LACC1: variants seen among roughly 807,000 people sequenced by gnomAD.
The protein encoded by LACC1 is laccase domain multifunctional purine nucleosidase 1.
Under a neutral mutation model 34.8 loss-of-function variants are expected in LACC1, and 25 were observed. That is an observed-to-expected ratio of 0.72 (90% CI 0.52 to 1.00). The LOEUF (loss-of-function observed/expected upper bound fraction) is 1.00, where lower values mean the gene tolerates loss of function less well. LACC1 is among the 50% of genes least tolerant of loss of function. The pLI is 0.00. For synonymous variants in LACC1, 162 were observed against 168.0 expected, an observed-to-expected ratio of 0.96 and a Z score of 0.28; for missense variants, 426 against 511.2, an observed-to-expected ratio of 0.83 and a Z score of 1.61.
intron 3 of LACC1, 104 bp downstream of exon 3, chr13:43,882,467 C>G: frequency 1.3e-6 from 1 of 791,924 alleles, no homozygotes; most frequent in South Asian, 1.9e-5. Context: ...GCTTTTTTAT[C>G]TAAAGTTTTA....
chr13:43,885,797 A>C (rs1415786892), intron 4 of LACC1, among the ~76,000 whole-genome samples: 2 of 152,234 alleles, frequency 1.3e-5, no homozygotes, highest in Admixed American at 1.3e-4. Flanking sequence ...ACAGCAAAAG[A>C]AACTATCAAC....
At chr13:43,890,020 A>G (rs1955501178) in intron 5 of LACC1, 94 bp from the exon 6 acceptor site, 2 of 1,081,898 alleles carry the variant, frequency 1.8e-6, no homozygotes, top group South Asian at 3.1e-5. Context: ...CTTTCCTGGA[A>G]CTTTTTCATG....
intron 4 of LACC1, 34 bp downstream of exon 4, chr13:43,883,970 C>G (rs200877112): frequency 6.4e-7 from 1 of 1,572,100 alleles, no homozygotes; most frequent in East Asian, 2.2e-5. Flanking sequence ...TAGAATTTTA[C>G]TCATTTTGTT....
At chr13:43,889,123 C>A (rs1413956705) in intron 5 of LACC1, 141 bp downstream of exon 5, 3 of 627,114 alleles carry the variant, frequency 4.8e-6, no homozygotes, top group African/African-American at 1.8e-5. Flanking sequence ...TGTACACAAA[C>A]ACTCATTTTA....
At position 43,883,860 on chromosome 13, in the gene LACC1, A is replaced by G; in HGVS notation, c.831A>G (p.Ile277Met). Residue 277 changes from isoleucine (I) to methionine (M), a missense_variant, in exon 4 of 7, where the codon ATA becomes ATG. Ile to Met is a conservative substitution (Grantham distance 10). This residue lies in a region of LACC1 where 209 missense variants were observed against 300.3 expected (regional missense o/e 0.70). Coordinates refer to ENST00000325686, the MANE Select transcript of LACC1 (RefSeq NM_153218.4). ...CCACAAATCAGAGAGGAGTCACAAT[A>G]GCAGCTCTTGGTGCAGACTGTATAC... ...GITTNQRGVT[I>M]AALGADCIPI... The G allele has an allele frequency of 1.2e-6, 2 of 1,613,896 alleles. No homozygotes were observed. Among genetic ancestry groups the G allele is most frequent in the East Asian group, 2.2e-5 (1 of 44,874 alleles).
rs1050288358 is a variant in LACC1 at position 43,893,845 on chromosome 13, T to C, written c.*2398T>C. 4.6e-5 allele frequency: 7 copies of C among 152,126 alleles called. No individual in the cohort carries two copies. The highest frequency in any genetic ancestry group is 1.7e-4 in the African/African-American group (7 of 41,440). 9.4% of individuals were successfully genotyped at this position (152,126 alleles called of 1,614,324 possible). On this transcript the variant is annotated 3_prime_UTR_variant, in exon 7 of 7. Coordinates refer to ENST00000325686, the MANE Select transcript of LACC1 (RefSeq NM_153218.4). ...TCACTGTGCATTATTTTGTTTGAAG[T>C]TGGTAAATTTGGAGTATCCTGCAGA...
At chr13:43,883,011 T>C (rs1955149408) in intron 3 of LACC1, among the ~76,000 whole-genome samples, 1 of 152,070 alleles carries the variant, frequency 6.6e-6, no homozygotes, top group Non-Finnish European at 1.5e-5. Context: ...CCCCAATTCA[T>C]CTAACATGCA....
intron 3 of LACC1, 147 bp downstream of exon 3, chr13:43,882,510 T>C (rs1395138766): frequency 1.9e-6 from 1 of 539,628 alleles, no homozygotes; most frequent in Non-Finnish European, 3.2e-6. Context: ...CTTAGATTTA[T>C]ACACCATAGC....
intron 4 of LACC1, among the ~76,000 whole-genome samples, chr13:43,885,494 C>A (rs1955273349): frequency 6.6e-6 from 1 of 152,092 alleles, no homozygotes. Context: ...TCGACAATAA[C>A]AAGCAATGAG....
Sources: allele counts gnomAD v4.1 joint callset (sites outside exome capture counted in the v4.1 genomes callset), GRCh38; gene constraint gnomAD v4.1.1; regional missense constraint gnomAD v4.1.1; transcripts MANE v1.5; gene names NCBI Gene and HGNC (gene_info 2026-07-23, HGNC 2026-07-21).